TNIK: variants seen among roughly 807,000 people sequenced by gnomAD.
TNIK encodes the protein TRAF2 and NCK-interacting protein kinase.
TNIK carries 49 observed loss-of-function variants against 191.3 expected under a neutral mutation model. That is an observed-to-expected ratio of 0.26 (90% CI 0.20 to 0.32). The LOEUF (loss-of-function observed/expected upper bound fraction) is 0.32. Among genes scored for constraint, TNIK ranks in the 10% least tolerant of loss-of-function variants. The pLI, the probability that TNIK is intolerant of heterozygous loss-of-function variation, is 1.00. For missense variants in TNIK, 1,155 were observed against 1,702.3 expected (o/e 0.68, Z 5.66); for synonymous variants, 594 against 600.9 (o/e 0.99, Z 0.17).
At chr3:171,416,780 T>C (rs1004178063) in intron 1 of TNIK, among the ~76,000 whole-genome samples, 1 of 152,214 alleles carries the variant, frequency 6.6e-6, no homozygotes, top group Non-Finnish European at 1.5e-5. Context: ...ATTTACAAGA[T>C]GATTATGAAA....
chr3:171,297,223 T>A (rs1752390576), intron 2 of TNIK, among the ~76,000 whole-genome samples: 1 of 152,180 alleles, frequency 6.6e-6, no homozygotes, highest in African/African-American at 2.4e-5. Flanking sequence ...TACTGCATCC[T>A]ATTTCAAGCA....
chr3:171,175,516 T>TCA (rs1425517151), intron 8 of TNIK, among the ~76,000 whole-genome samples, 186 bp from the exon 9 acceptor site: 1 of 152,218 alleles, frequency 6.6e-6, no homozygotes, highest in Non-Finnish European at 1.5e-5. Flanking sequence ...TACAGGAGTC[T>TCA]CATAAAATAC....
At chr3:171,455,700 G>A (rs1728716537) in intron 1 of TNIK, among the ~76,000 whole-genome samples, 1 of 152,188 alleles carries the variant, frequency 6.6e-6, no homozygotes, top group South Asian at 2.1e-4. Flanking sequence ...ACCAGTATGT[G>A]AGAAAGGCAA....
At chr3:171,284,316 G>T (rs1750787106) in intron 2 of TNIK, among the ~76,000 whole-genome samples, 1 of 152,136 alleles carries the variant, frequency 6.6e-6, no homozygotes, top group Non-Finnish European at 1.5e-5. Flanking sequence ...TCATAGTAGG[G>T]TTCTATTCCC....
Position 171,327,900 on chromosome 3 carries a change from T to TAAAAAAAAAAAAAAAAAAAA in TNIK, c.123+41700_123+41719dup, listed in dbSNP as rs71634497. Among the ~76,000 whole-genome samples, 16 of 79,628 alleles carry TAAAAAAAAAAAAAAAAAAAA rather than the reference T, an allele frequency of 2.0e-4. 1 individual carries two copies. The highest frequency in any genetic ancestry group is 5.6e-4 in the East Asian group (1 of 1,784). The allele number at this position is 79,628 out of a possible 152,430, so 52.2% of individuals were successfully genotyped here. A position where few individuals can be genotyped will look rare whatever the true frequency, so the allele number is the denominator to read the frequency against. On this transcript the variant is annotated intron_variant, in intron 2 of 32. Transcript: ENST00000436636. ...ATCTGTGGCTCCCAAACCTGGCTCA[T>TAAAAAAAAAAAAAAAAAAAA]AAAAAAAAAAAAAAAAAAAAAAAAA...
chr3:171,183,864 T>C (rs965133238), intron 7 of TNIK, among the ~76,000 whole-genome samples: 1 of 139,092 alleles, frequency 7.2e-6, no homozygotes, highest in Non-Finnish European at 1.5e-5. Context: ...GAGGTTGCAG[T>C]GAGCCGAGAT....
chr3:171,163,484 A>C (rs1404945808), intron 10 of TNIK, among the ~76,000 whole-genome samples: 2 of 152,176 alleles, frequency 1.3e-5, no homozygotes, highest in Non-Finnish European at 2.9e-5. Flanking sequence ...GAAAGCCAAA[A>C]GTTTGATGAG....
chr3:171,358,637 T>C (rs920211818), intron 2 of TNIK, among the ~76,000 whole-genome samples: 1 of 152,232 alleles, frequency 6.6e-6, no homozygotes, highest in Non-Finnish European at 1.5e-5. Flanking sequence ...TGTGGACTTC[T>C]ACCTGAGAAG....
chr3:171,108,071 T>C lies in TNIK; in HGVS notation c.2376A>G (p.Arg792=), dbSNP rs1178283232. 8 of 1,562,998 alleles carry C rather than the reference T, an allele frequency of 5.1e-6. No individual in the cohort carries two copies. Among genetic ancestry groups the C allele is most frequent in the Non-Finnish European group, 6.9e-6 (8 of 1,152,628 alleles). Residue 792 remains arginine, a synonymous_variant, in exon 20 of 33, where the codon CGA becomes CGG. Transcript: ENST00000436636. ...TGGAGAGAAAAGCACTCACAGCTGGTCGACTGGGCCGGGTAATGTCCCTGG... is the reference window on the plus strand; with the variant it reads ...TGGAGAGAAAAGCACTCACAGCTGGCCGACTGGGCCGGGTAATGTCCCTGG... ...EESRDITRPS[R]PASYKKAIDE... is the part of the protein sequence containing the mutation.
chr3:171,178,497 GA>G (rs1736239373), intron 7 of TNIK, among the ~76,000 whole-genome samples: 1 of 152,194 alleles, frequency 6.6e-6, no homozygotes, highest in South Asian at 2.1e-4. Context: ...TTTATTCTCT[GA>G]ACAGAATTTT....
At chr3:171,066,482 T>G in intron 31 of TNIK, 94 bp downstream of exon 31, 1 of 1,516,416 alleles carries the variant, frequency 6.6e-7, no homozygotes, top group Non-Finnish European at 8.8e-7. Context: ...TTTTTTTTTT[T>G]TTTTGTGGAA....
chr3:171,066,311 T>G lies in TNIK; in HGVS notation c.3875A>C (p.Asn1292Thr). The G allele has an allele frequency of 1.2e-6, 2 of 1,613,924 alleles. No individual in the cohort carries two copies. The highest frequency in any genetic ancestry group is 1.7e-6 in the Non-Finnish European group (2 of 1,179,880). ...MPTSVAYIHS[N>T]QIMGWGEKAI... ...TTTCTCGCCCCAGCCCATTATCTGATTGGAATGAATGTAGGCTGTCAAAAG... is the reference window on the plus strand; with the variant it reads ...TTTCTCGCCCCAGCCCATTATCTGAGTGGAATGAATGTAGGCTGTCAAAAG... Residue 1292 changes from asparagine (N) to threonine (T), a missense_variant, in exon 32 of 33, where the codon AAT (asparagine) becomes ACT (threonine). Asn to Thr is a moderately conservative substitution (Grantham distance 65). Around this residue, in one of 3 missense-constraint regions of TNIK, gnomAD observed 195 missense variants for 415.4 expected, o/e 0.47. Coordinates refer to ENST00000436636, the MANE Select transcript of TNIK (RefSeq NM_015028.4).
intron 10 of TNIK, among the ~76,000 whole-genome samples, chr3:171,161,745 C>T (rs1002906015): frequency 2.0e-5 from 3 of 151,494 alleles, no homozygotes; most frequent in Admixed American, 6.6e-5. Flanking sequence ...GGCAAAACCC[C>T]GTCTCTACTA....
At chr3:171,173,828 G>C (rs1034161896) in intron 9 of TNIK, among the ~76,000 whole-genome samples, 4 of 152,108 alleles carry the variant, frequency 2.6e-5, no homozygotes, top group African/African-American at 4.8e-5. Flanking sequence ...TATCAAGCAG[G>C]AACCTAGCAG....
At chr3:171,394,321 T>C (rs2108556196) in intron 1 of TNIK, among the ~76,000 whole-genome samples, 1 of 152,360 alleles carries the variant, frequency 6.6e-6, no homozygotes, top group East Asian at 1.9e-4. Context: ...CTGAACTCAA[T>C]ATAACTTTTA....
chr3:171,166,271 A>C (rs1304301961), intron 10 of TNIK, among the ~76,000 whole-genome samples: 1 of 152,260 alleles, frequency 6.6e-6, no homozygotes, highest in Non-Finnish European at 1.5e-5. Flanking sequence ...TCATTTCTAC[A>C]AAATGCACTC....
At chr3:171,438,437 T>G (rs1253005590) in intron 1 of TNIK, among the ~76,000 whole-genome samples, 1 of 152,190 alleles carries the variant, frequency 6.6e-6, no homozygotes, top group African/African-American at 2.4e-5. Context: ...TCAGTTATAG[T>G]GGGGATGCAG....
chr3:171,278,176 C>T (rs1419758947), intron 2 of TNIK, among the ~76,000 whole-genome samples: 1 of 152,144 alleles, frequency 6.6e-6, no homozygotes, highest in East Asian at 1.9e-4. Context: ...GATTTGTGGG[C>T]CCCAGTTGGG....
intron 1 of TNIK, among the ~76,000 whole-genome samples, chr3:171,375,420 G>C (rs1425841700): frequency 1.3e-5 from 2 of 152,196 alleles, no homozygotes; most frequent in African/African-American, 2.4e-5. Flanking sequence ...TTAGCAAACA[G>C]AGTCAGGTAT....
Sources: allele counts gnomAD v4.1 joint callset (sites outside exome capture counted in the v4.1 genomes callset), GRCh38; gene constraint gnomAD v4.1.1; regional missense constraint gnomAD v4.1.1; transcripts MANE v1.5; gene names NCBI Gene and HGNC (gene_info 2026-07-23, HGNC 2026-07-21).